Variants in BCL2 observed in about 807,000 individuals in gnomAD.
BCL2 encodes BCL2 apoptosis regulator, also known as apoptosis regulator Bcl-2.
A neutral mutation model predicts 14.2 loss-of-function variants in BCL2; 1 was observed. That is an observed-to-expected ratio of 0.07 (90% CI 0.02 to 0.33). The LOEUF (loss-of-function observed/expected upper bound fraction) is 0.33, where lower values mean the gene tolerates loss of function less well. Ranked by LOEUF, BCL2 falls within the 10% of genes least tolerant of loss-of-function variation. The pLI is 0.99. For missense variants in BCL2, 247 were observed against 305.9 expected (o/e 0.81, Z 1.44); for synonymous variants, 151 against 137.2 (o/e 1.10, Z -0.70).
chr18:63,141,987 A>G (rs1256242805), intron 2 of BCL2, among the ~76,000 whole-genome samples: 2 of 152,260 alleles, frequency 1.3e-5, no homozygotes, highest in East Asian at 1.9e-4. Flanking sequence ...AACTGAAAGC[A>G]GATGCTTGTT....
chr18:63,230,777 A>G (rs1185738081), intron 2 of BCL2, among the ~76,000 whole-genome samples: 1 of 152,134 alleles, frequency 6.6e-6, no homozygotes, highest in Non-Finnish European at 1.5e-5. Flanking sequence ...ATATGGAAAA[A>G]GAACAAAGAA....
At chr18:63,196,087 G>A (rs1909436755) in intron 2 of BCL2, among the ~76,000 whole-genome samples, 1 of 152,184 alleles carries the variant, frequency 6.6e-6, no homozygotes, top group Non-Finnish European at 1.5e-5. Context: ...GTGGCTATTT[G>A]TCGAAGTGTC....
At chr18:63,203,101 A>G (rs971999711) in intron 2 of BCL2, among the ~76,000 whole-genome samples, 3 of 152,214 alleles carry the variant, frequency 2.0e-5, no homozygotes, top group Non-Finnish European at 4.4e-5. Context: ...GCTTCAGGAA[A>G]GTGGGTGGTT....
At chr18:63,157,266 G>A (rs1914806792) in intron 2 of BCL2, among the ~76,000 whole-genome samples, 1 of 152,216 alleles carries the variant, frequency 6.6e-6, no homozygotes, top group Admixed American at 6.5e-5. Context: ...ACGGAAAACA[G>A]GACCAGACAT....
chr18:63,123,434 CACAA>C lies in BCL2; in HGVS notation c.*5187_*5190del, dbSNP rs962560312. ...ATGGCAATGTGACTTTTTCCAACAA[CACAA>C]ACAAAGTGCCATTATAGCTAATGGT... On this transcript the variant is annotated 3_prime_UTR_variant, in exon 3 of 3. Coordinates refer to ENST00000333681, the MANE Select transcript of BCL2 (RefSeq NM_000633.3). The C allele has an allele frequency of 1.0e-5, 2 of 199,964 alleles. No homozygotes were observed. Among genetic ancestry groups the C allele is most frequent in the East Asian group, 7.6e-5 (1 of 13,078 alleles). The allele number at this position is 199,964 out of a possible 1,614,324, so 12.4% of individuals were successfully genotyped here.
chr18:63,221,768 G>A (rs1319503920), intron 2 of BCL2, among the ~76,000 whole-genome samples: 1 of 152,224 alleles, frequency 6.6e-6, no homozygotes, highest in Non-Finnish European at 1.5e-5. Context: ...TGTATCCCTA[G>A]CTCAGGACAC....
chr18:63,259,065 C>T (rs1226750416), intron 2 of BCL2, among the ~76,000 whole-genome samples: 1 of 152,240 alleles, frequency 6.6e-6, no homozygotes, highest in African/African-American at 2.4e-5. Context: ...TCTAAGTGCT[C>T]CCCATGGCCC....
At chr18:63,311,401 T>C (rs2144306411) in intron 2 of BCL2, among the ~76,000 whole-genome samples, 1 of 152,350 alleles carries the variant, frequency 6.6e-6, no homozygotes, top group Non-Finnish European at 1.5e-5. Flanking sequence ...CTGTTGCAGC[T>C]TAACTGTCTT....
chr18:63,163,947 C>T (rs1279914496), intron 2 of BCL2, among the ~76,000 whole-genome samples: 1 of 152,094 alleles, frequency 6.6e-6, no homozygotes, highest in African/African-American at 2.4e-5. Flanking sequence ...TTTTATATGG[C>T]CTTTTTCATT....
chr18:63,299,729 G>A (rs547230904), intron 2 of BCL2, among the ~76,000 whole-genome samples: 12 of 151,616 alleles, frequency 7.9e-5, no homozygotes, highest in African/African-American at 2.9e-4. Flanking sequence ...AGCTTGGCAG[G>A]CCCTTCAATT....
At chr18:63,260,082 T>A (rs2031525849) in intron 2 of BCL2, among the ~76,000 whole-genome samples, 1 of 152,188 alleles carries the variant, frequency 6.6e-6, no homozygotes, top group Non-Finnish European at 1.5e-5. Flanking sequence ...TTTGAACACG[T>A]CTGGCTACTT....
At chr18:63,142,450 C>G (rs185161431) in intron 2 of BCL2, among the ~76,000 whole-genome samples, 1 of 152,222 alleles carries the variant, frequency 6.6e-6, no homozygotes, top group East Asian at 1.9e-4. Flanking sequence ...ACCAGATGCA[C>G]CCCGGATGGT....
chr18:63,125,237 G>A lies in BCL2; in HGVS notation c.*3388C>T, dbSNP rs1409867906. ...GCCACATCTGAACACAGAGAGGTAA[G>A]TGAGCTGTGGAGAGAATGTTGGCGT... On this transcript the variant is annotated 3_prime_UTR_variant, in exon 3 of 3. Coordinates refer to ENST00000333681, the MANE Select transcript of BCL2 (RefSeq NM_000633.3). 3 of 226,118 alleles carry A rather than the reference G, an allele frequency of 1.3e-5. No homozygotes were observed. Among genetic ancestry groups the A allele is most frequent in the Non-Finnish European group, 2.6e-5 (3 of 113,640 alleles). The allele number at this position is 226,118 out of a possible 1,614,324, so 14.0% of individuals were successfully genotyped here. A position where few individuals can be genotyped will look rare whatever the true frequency, so the allele number is the denominator to read the frequency against.
intron 2 of BCL2, among the ~76,000 whole-genome samples, chr18:63,190,495 T>C (rs1279176600): frequency 5.9e-5 from 9 of 152,152 alleles, no homozygotes; most frequent in South Asian, 2.1e-4. Context: ...TGGACACCAA[T>C]AGTATTGTGA....
chr18:63,124,480 T>A lies in BCL2; in HGVS notation c.*4145A>T, dbSNP rs1913857535. 4.3e-6 allele frequency: 1 copy of A among 231,882 alleles called. No individual in the cohort carries two copies. 14.4% of individuals were successfully genotyped at this position (231,882 alleles called of 1,614,324 possible). A position where few individuals can be genotyped will look rare whatever the true frequency, so the allele number is the denominator to read the frequency against. The stretch of plus-strand genomic sequence containing the variant: ...TTTCTCATTTGTCACACAAGGTTCT[T>A]CGCAGAGGCATCACATCGACCCCAA... On this transcript the variant is annotated 3_prime_UTR_variant, in exon 3 of 3. Coordinates refer to ENST00000333681, the MANE Select transcript of BCL2 (RefSeq NM_000633.3).
intron 2 of BCL2, among the ~76,000 whole-genome samples, chr18:63,205,390 C>A (rs1021536341): frequency 1.3e-5 from 2 of 152,214 alleles, no homozygotes; most frequent in African/African-American, 2.4e-5. Flanking sequence ...GAAAGCCTTG[C>A]TCAATAACTG....
chr18:63,236,671 CGGAGG>C (rs1910840692), intron 2 of BCL2, among the ~76,000 whole-genome samples: 1 of 152,286 alleles, frequency 6.6e-6, no homozygotes, highest in South Asian at 2.1e-4. Context: ...AATTCACTCA[CGGAGG>C]GCCTGACCAT....
intron 2 of BCL2, among the ~76,000 whole-genome samples, chr18:63,175,259 T>C (rs1349915850): frequency 6.6e-6 from 1 of 152,186 alleles, no homozygotes; most frequent in African/African-American, 2.4e-5. Flanking sequence ...TTAAAGATTG[T>C]TCCATTTGTC....
chr18:63,264,716 A>G (rs1190672667), intron 2 of BCL2, among the ~76,000 whole-genome samples: 2 of 152,242 alleles, frequency 1.3e-5, no homozygotes, highest in Non-Finnish European at 2.9e-5. Flanking sequence ...GGGATCATCC[A>G]CTAAAGAAAT....
Sources: allele counts gnomAD v4.1 joint callset (sites outside exome capture counted in the v4.1 genomes callset), GRCh38; gene constraint gnomAD v4.1.1; transcripts MANE v1.5; gene names NCBI Gene and HGNC (gene_info 2026-07-23, HGNC 2026-07-21).